The following LRP8 variants were observed in gnomAD, a reference collection of about 807,000 sequenced individuals.
LRP8 encodes low-density lipoprotein receptor-related protein 8.
In LRP8, 46 loss-of-function variants were observed where a neutral mutation model predicts 111.6. That is an observed-to-expected ratio of 0.41 (90% confidence interval 0.33 to 0.53). The LOEUF (loss-of-function observed/expected upper bound fraction) is 0.53. Among genes scored for constraint, LRP8 ranks in the 20% least tolerant of loss-of-function variants. The pLI is 0.20. For missense variants in LRP8, 959 were observed against 1,297.4 expected, an observed-to-expected ratio of 0.74 and a Z score of 4.01; for synonymous variants, 464 against 511.2, an observed-to-expected ratio of 0.91 and a Z score of 1.24.
intron 2 of LRP8, chr1:53,306,332 G>A (rs1375992867): frequency 6.6e-6 from 1 of 152,306 alleles, no homozygotes; most frequent in Non-Finnish European, 1.5e-5. Flanking sequence ...ATTCATGCAG[G>A]AAGTGGGGCT....
intron 2 of LRP8, among the ~76,000 whole-genome samples, chr1:53,312,564 C>T (rs982745152): frequency 3.3e-5 from 5 of 151,654 alleles, no homozygotes; most frequent in African/African-American, 4.9e-5. Context: ...CACTATGTTG[C>T]CCAGGCTGGC....
chr1:53,323,330 A>G (rs1654753066), intron 2 of LRP8, among the ~76,000 whole-genome samples: 1 of 152,216 alleles, frequency 6.6e-6, no homozygotes, highest in South Asian at 2.1e-4. Flanking sequence ...ACGAGGGGCG[A>G]TGTGTGGACA....
At chr1:53,255,014 A>G in intron 16 of LRP8, 103 bp downstream of exon 16, 2 of 1,250,066 alleles carry the variant, frequency 1.6e-6, no homozygotes, top group Non-Finnish European at 2.3e-6. Flanking sequence ...GCAAGGGCAG[A>G]ACAAGTCAAT....
rs777405186 is a variant in LRP8, at chr1:53,315,246, A to C, written c.244+11627T>G. Among the ~76,000 whole-genome samples, 210 of 152,120 alleles carry C rather than the reference A, an allele frequency of 1.4e-3. 2 individuals are homozygous for C. The highest frequency in any genetic ancestry group is 2.3e-3 in the Non-Finnish European group (153 of 67,998). Reference sequence around the variant, plus strand: ...GAGCGGCAGGGGAGAAAGGGAGATAAAGGAGTCTTTCTGGGGGCTCCCTGG... The same window carrying C: ...GAGCGGCAGGGGAGAAAGGGAGATACAGGAGTCTTTCTGGGGGCTCCCTGG... On this transcript the variant is annotated intron_variant, in intron 2 of 18. Coordinates refer to ENST00000306052, the MANE Select transcript of LRP8 (RefSeq NM_004631.5).
chr1:53,277,056 C>A lies in LRP8; in HGVS notation c.519G>T (p.Gln173His). Residue 173 changes from glutamine to histidine, a missense_variant, in exon 5 of 19, where the codon CAG (glutamine) becomes CAT (histidine). Gln to His is a conservative substitution (Grantham distance 24). Around this residue, in one of 3 missense-constraint regions of LRP8, gnomAD observed 819 missense variants for 1,097.6 expected, o/e 0.75. Transcript: ENST00000306052. ...CATLCAPHEF[Q>H]CGNRSCLAAV... is the part of the protein sequence containing the mutation. Reference sequence around the variant, plus strand: ...CGGCCAGGCACGAGCGGTTGCCGCACTGGAACTCGTGCGGGGCGCACACTG... The same window carrying A: ...CGGCCAGGCACGAGCGGTTGCCGCAATGGAACTCGTGCGGGGCGCACACTG... The A allele has an allele frequency of 6.6e-7, 1 of 1,523,384 alleles. No individual in the cohort carries two copies. The highest frequency in any genetic ancestry group is 8.8e-7 in the Non-Finnish European group (1 of 1,140,774). 94.4% of individuals were successfully genotyped at this position (1,523,384 alleles called of 1,614,324 possible).
At chr1:53,285,040 C>T (rs1647344285) in intron 3 of LRP8, among the ~76,000 whole-genome samples, 1 of 152,214 alleles carries the variant, frequency 6.6e-6, no homozygotes, top group Non-Finnish European at 1.5e-5. Flanking sequence ...TCAGGCCTCT[C>T]TACTCCACAG....
intron 2 of LRP8, chr1:53,306,072 T>C (rs1651899959): frequency 6.6e-6 from 1 of 152,182 alleles, no homozygotes; most frequent in South Asian, 2.1e-4. Context: ...ATCAGAGACC[T>C]CTTCTGATCC....
chr1:53,276,584 T>C (rs1646925474), intron 5 of LRP8, 108 bp downstream of exon 5: 2 of 841,264 alleles, frequency 2.4e-6, no homozygotes, highest in Non-Finnish European at 3.3e-6. Context: ...TAAACCCGGG[T>C]AATGTATTCA....
At position 53,250,574 on chromosome 1, in the gene LRP8, C is replaced by G. The variant is rs1477383725; in HGVS notation, c.2676+116G>C. The G allele has an allele frequency of 3.6e-6, 3 of 837,890 alleles. No individual in the cohort carries two copies. In the Admixed American group the frequency reaches 7.1e-5, roughly 20 times the overall value. The allele number at this position is 837,890 out of a possible 1,614,324, so 51.9% of individuals were successfully genotyped here. On this transcript the variant is annotated intron_variant, in intron 17 of 18. Coordinates refer to ENST00000306052, the MANE Select transcript of LRP8 (RefSeq NM_004631.5). This position sits in a 1 kb window ranked among gnomAD's most constrained non-coding sequence, Gnocchi z 4.6. Reference sequence around the variant, plus strand: ...CGGAAGGAAAGGAGGGAGGGAAGGACGGAAGGAAGGAAGGGAGGGAAGAAA... The same window carrying G: ...CGGAAGGAAAGGAGGGAGGGAAGGAGGGAAGGAAGGAAGGGAGGGAAGAAA...
At chr1:53,274,558 C>G in intron 6 of LRP8, 4 of 394,742 alleles carry the variant, frequency 1.0e-5, no homozygotes, top group South Asian at 7.3e-5. Context: ...CATGTGAAGC[C>G]ATAGGACGGC....
At chr1:53,290,549 G>A (rs1259798401) in intron 2 of LRP8, among the ~76,000 whole-genome samples, 1 of 152,204 alleles carries the variant, frequency 6.6e-6, no homozygotes, top group Non-Finnish European at 1.5e-5. Context: ...TGTCCACACA[G>A]GGGATGTAGC....
intron 2 of LRP8, among the ~76,000 whole-genome samples, chr1:53,292,470 A>G (rs1000844872): frequency 2.0e-5 from 3 of 152,188 alleles, no homozygotes; most frequent in African/African-American, 7.2e-5. Flanking sequence ...GTCATCGTCA[A>G]TGATAGATGC....
intron 2 of LRP8, among the ~76,000 whole-genome samples, chr1:53,296,618 T>C (rs1272294141): frequency 6.6e-6 from 1 of 152,220 alleles, no homozygotes; most frequent in Non-Finnish European, 1.5e-5. Flanking sequence ...CCTGGCCTAC[T>C]AACCTGGCAG....
intron 8 of LRP8, chr1:53,268,452 A>G (rs1376583922): frequency 1.3e-5 from 2 of 152,244 alleles, no homozygotes; most frequent in African/African-American, 2.4e-5. Flanking sequence ...GGGGGCAAGA[A>G]CAGGTTACAC....
chr1:53,255,263 C>G, intron 15 of LRP8, 78 bp from the exon 16 acceptor site: 1 of 1,183,504 alleles, frequency 8.4e-7, no homozygotes, highest in Non-Finnish European at 1.2e-6. Context: ...GTGGTAAGAA[C>G]TACCCAACTG....
At chr1:53,310,741 T>C (rs1288481) in intron 2 of LRP8, among the ~76,000 whole-genome samples, 70,365 of 151,598 alleles carry the variant, frequency 0.46, 16,889 homozygotes, top group East Asian at 0.69. Flanking sequence ...GAACCAATTG[T>C]TGTATAAAGG....
intron 2 of LRP8, among the ~76,000 whole-genome samples, chr1:53,304,115 G>A (rs1651507999): frequency 6.6e-6 from 1 of 152,170 alleles, no homozygotes; most frequent in South Asian, 2.1e-4. Flanking sequence ...GGAAATTAAG[G>A]CATAATACCG....
At chr1:53,281,510 G>C (rs935965193) in intron 3 of LRP8, among the ~76,000 whole-genome samples, 2 of 152,238 alleles carry the variant, frequency 1.3e-5, no homozygotes, top group Non-Finnish European at 2.9e-5. Context: ...AGGGTGTGCA[G>C]GAGGCCCGAC....
chr1:53,306,941 G>A (rs1652070588), intron 2 of LRP8, among the ~76,000 whole-genome samples: 1 of 152,136 alleles, frequency 6.6e-6, no homozygotes, highest in Non-Finnish European at 1.5e-5. Context: ...GTTCAGAGAG[G>A]GACAGGATGG....
Sources: gnomAD v4.1 joint callset for allele counts (sites outside exome capture counted in the v4.1 genomes callset) on GRCh38, gnomAD v4.1.1 for gene constraint, gnomAD v4.1.1 regional missense constraint, Gnocchi (gnomAD v3.1) non-coding constraint, MANE v1.5 for transcripts, NCBI Gene and HGNC (gene_info 2026-07-23, HGNC 2026-07-21) for gene names.